Variants in KLHDC8A observed in about 807,000 individuals in gnomAD.
KLHDC8A encodes kelch domain-containing protein 8A.
Under a neutral mutation model 33.1 loss-of-function variants are expected in KLHDC8A, and 21 were observed. The ratio of observed to expected loss-of-function variants is 0.64; its 90% CI spans 0.45 to 0.91. The LOEUF is 0.91. KLHDC8A is among the 40% of genes least tolerant of loss of function. The pLI, the probability that KLHDC8A is intolerant of heterozygous loss-of-function variation, is 0.00. For missense variants in KLHDC8A, 435 were observed against 483.3 expected (o/e 0.90, Z 0.94); for synonymous variants, 173 against 193.5 (o/e 0.89, Z 0.88).
intron 1 of KLHDC8A, among the ~76,000 whole-genome samples, chr1:205,346,977 AT>A (rs1662965892): frequency 1.3e-5 from 2 of 152,322 alleles, no homozygotes; most frequent in Admixed American, 6.5e-5. Flanking sequence ...TACAGGCACC[AT>A]CTTCTATGCA....
At position 205,356,722 on chromosome 1, in the gene KLHDC8A, C is replaced by G. The variant is rs1313928366; in HGVS notation, c.-379G>C. The stretch of plus-strand genomic sequence containing the variant: ...ATTGATGAGTCCACTGCTGCTGCCT[C>G]TGGCTGATCGACTGGGATGCAGCCA... On this transcript the variant is annotated 5_prime_UTR_variant, in exon 1 of 6. Transcript: ENST00000367155. 5.1e-6 allele frequency: 2 copies of G among 389,308 alleles called. No homozygotes were observed. Among genetic ancestry groups the G allele is most frequent in the Admixed American group, 5.7e-5 (2 of 35,184 alleles). The allele number at this position is 389,308 out of a possible 1,614,324, so 24.1% of individuals were successfully genotyped here. A position where few individuals can be genotyped will look rare whatever the true frequency, so the allele number is the denominator to read the frequency against.
chr1:205,342,926 AG>A lies in KLHDC8A; in HGVS notation c.376+302del, dbSNP rs375304448. On this transcript the variant is annotated intron_variant, in intron 2 of 5. Transcript: ENST00000367155. ...CAGAGGGGCAGGTTGAAGGTGGAAG[AG>A]GCCCCTGGAATCAGGTCCCAAAGCC... 1.1e-4 allele frequency among the ~76,000 whole-genome samples: 17 copies of A among 152,142 alleles called. No individual in the cohort carries two copies. The East Asian group carries it at 2.1e-3, about 19-fold the overall frequency.
intron 2 of KLHDC8A, among the ~76,000 whole-genome samples, chr1:205,342,957 C>A (rs1036033915): frequency 6.6e-6 from 1 of 152,130 alleles, no homozygotes; most frequent in Non-Finnish European, 1.5e-5. Flanking sequence ...AAAGCCCTCT[C>A]AGTGGGGCCT....
intron 1 of KLHDC8A, among the ~76,000 whole-genome samples, chr1:205,352,905 C>A (rs774716575): frequency 6.6e-6 from 1 of 152,242 alleles, no homozygotes; most frequent in African/African-American, 2.4e-5. Context: ...CCCTGCACAT[C>A]ACTAGGCAAG....
chr1:205,344,791 C>T (rs1437010032), intron 1 of KLHDC8A, among the ~76,000 whole-genome samples: 4 of 152,132 alleles, frequency 2.6e-5, no homozygotes, highest in African/African-American at 9.7e-5. Flanking sequence ...CTGCCGCCGC[C>T]CTCGAAATAG....
At chr1:205,346,789 A>G (rs2102291919) in intron 1 of KLHDC8A, among the ~76,000 whole-genome samples, 1 of 152,296 alleles carries the variant, frequency 6.6e-6, no homozygotes, top group South Asian at 2.1e-4. Context: ...AAGGAAACCA[A>G]GTGGGTCCAC....
Position 205,343,385 on chromosome 1 carries a change from CGGCCACCCCCGCCCGGGCTGTG to C in KLHDC8A, c.198_219del (p.Thr67SerfsTer10). On this transcript the variant is annotated frameshift_variant, in exon 2 of 6. Transcript: ENST00000367155. LOFTEE classifies it high-confidence loss of function. ...ATGATCCGCTTCCCCAGGGCGGTGACGGCCACCCCCGCCCGGGCTGTGGGCAGCCGGGGCAAGGCGGTCCACT... is the reference window on the plus strand; with the variant it reads ...ATGATCCGCTTCCCCAGGGCGGTGACGGCAGCCGGGGCAAGGCGGTCCACT... 1.9e-6 allele frequency: 3 copies of C among 1,613,422 alleles called. No homozygotes were observed. Among genetic ancestry groups the C allele is most frequent in the Non-Finnish European group, 2.5e-6 (3 of 1,179,846 alleles).
intron 2 of KLHDC8A, among the ~76,000 whole-genome samples, chr1:205,341,931 G>A (rs998217440): frequency 2.2e-4 from 34 of 152,322 alleles, no homozygotes; most frequent in Admixed American, 1.8e-3. Context: ...TTACAGGCGT[G>A]AGCCACCGCG....
At chr1:205,338,695 A>G (rs1662703549) in intron 4 of KLHDC8A, 99 bp from the exon 5 acceptor site, 12 of 896,740 alleles carry the variant, frequency 1.3e-5, no homozygotes, top group Admixed American at 1.9e-5. Context: ...CACCCTGGGC[A>G]GTGTCTTCAC....
rs771428640 is a variant in KLHDC8A at position 205,343,598 on chromosome 1, C to T, written c.7G>A (p.Val3Met). The change falls in exon 2 of 6, where the codon GTG (valine) becomes ATG (methionine). Residue 3 changes from valine to methionine, a missense_variant. By Grantham distance (21) the Val-to-Met change is conservative (BLOSUM62 1). Coordinates refer to ENST00000367155, the MANE Select transcript of KLHDC8A (RefSeq NM_018203.3). ...CACTGGAAGTCCTTGACGTTAGGCA[C>T]CTCCATGGCAGCCTTGGGGAGCGCC... The part of the protein sequence containing the change: ME[V>M]PNVKDFQWKR... The T allele has an allele frequency of 6.3e-7, 1 of 1,593,738 alleles. No individual in the cohort carries two copies. Among genetic ancestry groups the T allele is most frequent in the South Asian group, 1.1e-5 (1 of 90,024 alleles).
chr1:205,341,068 G>A (rs985427835), intron 2 of KLHDC8A, among the ~76,000 whole-genome samples: 1 of 152,198 alleles, frequency 6.6e-6, no homozygotes, highest in African/African-American at 2.4e-5. Context: ...ACCCTGCCCA[G>A]GAAGTGAGCT....
intron 1 of KLHDC8A, among the ~76,000 whole-genome samples, chr1:205,354,575 A>T (rs1375735124): frequency 6.6e-6 from 1 of 152,216 alleles, no homozygotes; most frequent in Non-Finnish European, 1.5e-5. Context: ...CTTGAGAGAA[A>T]TTGGAAGATG....
chr1:205,356,431 G>C, intron 1 of KLHDC8A, 102 bp downstream of exon 1: 2 of 430,766 alleles, frequency 4.6e-6, no homozygotes, highest in Non-Finnish European at 4.7e-6. Flanking sequence ...CTGTCTACCT[G>C]GGCAGCCCTC....
At chr1:205,351,435 A>G in intron 1 of KLHDC8A, 1 of 798,470 alleles carries the variant, frequency 1.3e-6, no homozygotes, top group South Asian at 1.3e-5. Context: ...TGGTAATATG[A>G]GGAAATAGTA....
At position 205,346,233 on chromosome 1, in the gene KLHDC8A, G is replaced by A. The variant is rs374890231; in HGVS notation, c.-189-2440C>T. 2.6e-5 allele frequency among the ~76,000 whole-genome samples: 4 copies of A among 152,230 alleles called. No homozygotes were observed. The East Asian group carries it at 5.8e-4, about 22-fold the overall frequency. On this transcript the variant is annotated intron_variant, in intron 1 of 5. Coordinates refer to ENST00000367155, the MANE Select transcript of KLHDC8A (RefSeq NM_018203.3). ...GGGGTGTGAATTCATGAAATTTCACGGAAACACCAAACATTTCCCTTTCTT... is the reference window on the plus strand; with the variant it reads ...GGGGTGTGAATTCATGAAATTTCACAGAAACACCAAACATTTCCCTTTCTT...
chr1:205,346,286 A>G (rs999007099), intron 1 of KLHDC8A, among the ~76,000 whole-genome samples: 1 of 152,214 alleles, frequency 6.6e-6, no homozygotes, highest in Non-Finnish European at 1.5e-5. Context: ...GCCTGGAGAA[A>G]TAGGGAACGC....
intron 1 of KLHDC8A, among the ~76,000 whole-genome samples, chr1:205,347,124 A>T (rs1350391574): frequency 1.3e-5 from 2 of 152,202 alleles, no homozygotes; most frequent in Non-Finnish European, 2.9e-5. Context: ...TCCGCCAGGT[A>T]ACATCCTTTA....
rs1013276070 is a variant in KLHDC8A, at chr1:205,337,341, C to T, written c.*58G>A. ...CCCCGACTGCTTGGACAAGATCATT[C>T]CTCATGTTAAGAGTGAAGTGATATG... On this transcript the variant is annotated 3_prime_UTR_variant, in exon 6 of 6. Transcript: ENST00000367155. 3.6e-6 allele frequency: 5 copies of T among 1,384,138 alleles called. No homozygotes were observed. The African/African-American group carries it at 5.7e-5, about 16-fold the overall frequency. The allele number at this position is 1,384,138 out of a possible 1,614,324, so 85.7% of individuals were successfully genotyped here.
chr1:205,346,298 C>A (rs907173059), intron 1 of KLHDC8A, among the ~76,000 whole-genome samples: 1 of 152,298 alleles, frequency 6.6e-6, no homozygotes, highest in Middle Eastern at 3.4e-3. Flanking sequence ...AGGGAACGCA[C>A]CTTTACCTCA....
Sources: gnomAD v4.1 joint callset for allele counts (sites outside exome capture counted in the v4.1 genomes callset) on GRCh38, gnomAD v4.1.1 for gene constraint, MANE v1.5 for transcripts, NCBI Gene and HGNC (gene_info 2026-07-23, HGNC 2026-07-21) for gene names.